The following BCR variants were observed in gnomAD, a reference collection of about 807,000 sequenced individuals.
BCR encodes BCR activator of RhoGEF and GTPase, also known as breakpoint cluster region protein.
BCR carries 58 observed loss-of-function variants against 138.6 expected under a neutral mutation model. That is an observed-to-expected ratio of 0.42 (90% confidence interval 0.34 to 0.52). The LOEUF (loss-of-function observed/expected upper bound fraction) is 0.52, where lower values mean the gene tolerates loss of function less well. Among genes scored for constraint, BCR ranks in the 20% least tolerant of loss-of-function variants. The pLI is 0.06. For missense variants in BCR, 1,599 were observed against 1,727.2 expected (o/e 0.93, Z 1.32); for synonymous variants, 786 against 730.1 (o/e 1.08, Z -1.23).
At position 23,181,464 on chromosome 22, in the gene BCR, C is replaced by T. The variant is rs566674312; in HGVS notation, c.504C>T (p.Pro168=). 1.4e-4 allele frequency: 224 copies of T among 1,608,628 alleles called. 1 individual carries two copies. In the East Asian group the frequency reaches 4.9e-3, roughly 35 times the overall value. The change falls in exon 1 of 23, where the codon CCC becomes CCT. Residue 168 remains proline, a synonymous_variant. Coordinates refer to ENST00000305877, the MANE Select transcript of BCR (RefSeq NM_004327.4). ...GGATCCGCAAGGGCCATGGCCAGCC[C>T]GGGGCGGACGCCGAGAAGCCCTTCT... ...FERIRKGHGQ[P]GADAEKPFYV...
In BCR at chr22:23,294,017, A is replaced by C. The variant is rs1332395177; in HGVS notation, c.2881-1007A>C. Among the ~76,000 whole-genome samples the C allele has an allele frequency of 5.3e-5, 8 of 152,172 alleles. No individual in the cohort carries two copies. In the East Asian group the frequency reaches 1.3e-3, roughly 26 times the overall value. Reference sequence around the variant, plus strand: ...AGCTCGGGGAGCAGTTTTTCCTCCAAGTCCCTCTCCCTCCTGTATCAACCC... The same window carrying C: ...AGCTCGGGGAGCAGTTTTTCCTCCACGTCCCTCTCCCTCCTGTATCAACCC... On this transcript the variant is annotated intron_variant, in intron 15 of 22. Transcript: ENST00000305877.
chr22:23,280,646 T>C (rs1199236757), intron 8 of BCR, among the ~76,000 whole-genome samples: 3 of 152,192 alleles, frequency 2.0e-5, no homozygotes, highest in Non-Finnish European at 4.4e-5. Context: ...GCCAGCATCA[T>C]CGTCACAGAG....
At chr22:23,242,480 A>G (rs576926686) in intron 1 of BCR, among the ~76,000 whole-genome samples, 2 of 152,158 alleles carry the variant, frequency 1.3e-5, no homozygotes, top group African/African-American at 4.8e-5. Flanking sequence ...CAGTGTAGCC[A>G]TCCGGTGTAT....
intron 8 of BCR, among the ~76,000 whole-genome samples, chr22:23,276,086 G>T (rs1358184268): frequency 6.6e-6 from 1 of 152,168 alleles, no homozygotes; most frequent in Non-Finnish European, 1.5e-5. Context: ...GGGCCACCAA[G>T]GAGGAAGTGT....
At chr22:23,287,353 T>C in intron 11 of BCR, 75 bp downstream of exon 11, 1 of 1,459,978 alleles carries the variant, frequency 6.8e-7, no homozygotes, top group South Asian at 1.4e-5. Flanking sequence ...TGGCAGTGCG[T>C]TTTCACTTGG....
intron 18 of BCR, among the ~76,000 whole-genome samples, chr22:23,311,417 C>T (rs2074006035): frequency 6.6e-6 from 1 of 151,778 alleles, no homozygotes; most frequent in Non-Finnish European, 1.5e-5. Flanking sequence ...CCTTCCCGTG[C>T]TGACTTGACA....
At chr22:23,250,835 TA>T (rs2073217175) in intron 1 of BCR, among the ~76,000 whole-genome samples, 1 of 152,142 alleles carries the variant, frequency 6.6e-6, no homozygotes, top group African/African-American at 2.4e-5. Context: ...TTAAAATTAA[TA>T]AATGAAGTCA....
intron 1 of BCR, among the ~76,000 whole-genome samples, chr22:23,235,176 C>G (rs1248374680): frequency 6.9e-6 from 1 of 144,204 alleles, no homozygotes; most frequent in Non-Finnish European, 1.6e-5. Context: ...ACGATCTTGG[C>G]TCCTAGGTTC....
At chr22:23,278,918 T>C (rs2146294526) in intron 8 of BCR, among the ~76,000 whole-genome samples, 1 of 152,304 alleles carries the variant, frequency 6.6e-6, no homozygotes, top group Non-Finnish European at 1.5e-5. Context: ...GGGCTGGGCC[T>C]TTCTGGGCCC....
intron 1 of BCR, among the ~76,000 whole-genome samples, chr22:23,227,875 G>T (rs2072912055): frequency 6.6e-6 from 1 of 152,180 alleles, no homozygotes; most frequent in Non-Finnish European, 1.5e-5. Flanking sequence ...GTTACTGTTG[G>T]CCCCAGGGCT....
intron 8 of BCR, among the ~76,000 whole-genome samples, chr22:23,276,116 G>A (rs2073572883): frequency 6.6e-6 from 1 of 152,140 alleles, no homozygotes; most frequent in Non-Finnish European, 1.5e-5. Context: ...AGGGCTGGGT[G>A]CGGCTGGGCG....
intron 2 of BCR, among the ~76,000 whole-genome samples, chr22:23,255,575 C>G (rs975882901): frequency 8.5e-5 from 13 of 152,226 alleles, no homozygotes; most frequent in Admixed American, 6.5e-5. Context: ...TTCTTTCCAT[C>G]ATTCTTGAGG....
intron 1 of BCR, 119 bp downstream of exon 1, chr22:23,182,358 T>C: frequency 1.6e-6 from 2 of 1,225,388 alleles, no homozygotes; most frequent in Middle Eastern, 5.6e-4. Context: ...GTGTATCAGG[T>C]GCACTTGTGG....
rs1343581035 is a variant in BCR, at chr22:23,260,920, C to CA, written c.1462-29dup. The CA allele has an allele frequency of 1.9e-6, 3 of 1,603,496 alleles. No individual in the cohort carries two copies. The East Asian group carries it at 6.7e-5, about 36-fold the overall frequency. On this transcript the variant is annotated intron_variant, in intron 2 of 22. Coordinates refer to ENST00000305877, the MANE Select transcript of BCR (RefSeq NM_004327.4). ...TGGAAGAATCCCCCTACCACCCTTC[C>CA]AGGCTGACTTCTGTCTATTTCTCCT...
chr22:23,275,190 TG>T (rs1222286580), intron 8 of BCR, among the ~76,000 whole-genome samples: 2 of 152,192 alleles, frequency 1.3e-5, no homozygotes, highest in Non-Finnish European at 2.9e-5. Context: ...TTTCTCCTGG[TG>T]GGCCTGGCCC....
chr22:23,240,479 G>A (rs1395031427), intron 1 of BCR, among the ~76,000 whole-genome samples: 22 of 151,516 alleles, frequency 1.5e-4, no homozygotes, highest in South Asian at 8.4e-4. Flanking sequence ...GTGAAACCCC[G>A]TCTCTACTAA....
chr22:23,276,448 GGCCTGGATCT>G (rs2073577496), intron 8 of BCR, among the ~76,000 whole-genome samples: 1 of 151,976 alleles, frequency 6.6e-6, no homozygotes, highest in Non-Finnish European at 1.5e-5. Context: ...CAAAGGCAGG[GGCCTGGATCT>G]GCATCCTCCC....
rs765550294 is a variant in BCR at position 23,185,226 on chromosome 22, G to T, written c.1279+2987G>T. On this transcript the variant is annotated intron_variant, in intron 1 of 22. Coordinates refer to ENST00000305877, the MANE Select transcript of BCR (RefSeq NM_004327.4). ...AATGCAGAGCTGTTCCGTTTGGCAC[G>T]TGGTGGCCCTGCGGTGTTCTTCCCA... Among the ~76,000 whole-genome samples the T allele has an allele frequency of 2.6e-5, 4 of 152,308 alleles. No individual in the cohort carries two copies. In the East Asian group the frequency reaches 5.8e-4, roughly 22 times the overall value.
chr22:23,311,549 T>C, intron 18 of BCR, 148 bp from the exon 19 acceptor site: 1 of 612,502 alleles, frequency 1.6e-6, no homozygotes, highest in Non-Finnish European at 2.9e-6. Flanking sequence ...AGGACAGGCA[T>C]GCAGAAGGCT....
Sources: allele counts gnomAD v4.1 joint callset (sites outside exome capture counted in the v4.1 genomes callset), GRCh38; gene constraint gnomAD v4.1.1; transcripts MANE v1.5; gene names NCBI Gene and HGNC (gene_info 2026-07-23, HGNC 2026-07-21).